Variants in PLBD1 observed in about 807,000 individuals in gnomAD.
PLBD1 encodes phospholipase B domain containing 1.
In PLBD1, 60 loss-of-function variants were observed where a neutral mutation model predicts 63.0. The ratio of observed to expected loss-of-function variants is 0.95; its 90% CI spans 0.77 to 1.18. The LOEUF (loss-of-function observed/expected upper bound fraction) is 1.18. Among genes scored for constraint, PLBD1 ranks in the 50% most tolerant of loss-of-function variants. PLBD1 has a pLI of 0.00. For synonymous variants in PLBD1, 262 were observed against 248.0 expected, an observed-to-expected ratio of 1.06 and a Z score of -0.53; for missense variants, 598 against 677.9, an observed-to-expected ratio of 0.88 and a Z score of 1.31.
chr12:14,516,260 C>T (rs10128847), intron 6 of PLBD1, among the ~76,000 whole-genome samples: 3,150 of 152,178 alleles, frequency 0.021, 94 homozygotes, highest in African/African-American at 0.071. Flanking sequence ...ACCCAGGAGG[C>T]GGAGGCTGCA....
chr12:14,556,494 C>G (rs1012468041), intron 1 of PLBD1, among the ~76,000 whole-genome samples: 3 of 151,718 alleles, frequency 2.0e-5, no homozygotes, highest in Non-Finnish European at 2.9e-5. Context: ...CTCAGCCTCC[C>G]GAGTAGCTGA....
intron 4 of PLBD1, among the ~76,000 whole-genome samples, chr12:14,540,019 TA>T (rs1565577528): frequency 0.026 from 2,283 of 87,284 alleles, 128 homozygotes; most frequent in African/African-American, 0.067. Context: ...TGCACATATA[TA>T]TATATATATA....
At chr12:14,506,578 T>C (rs1158602933) in intron 9 of PLBD1, among the ~76,000 whole-genome samples, 2 of 152,152 alleles carry the variant, frequency 1.3e-5, no homozygotes, top group Admixed American at 1.3e-4. Context: ...ATGCTGTTCA[T>C]ACAAAAAAAA....
At chr12:14,507,224 G>A (rs1324598079) in intron 8 of PLBD1, 106 bp from the exon 9 acceptor site, 4 of 850,436 alleles carry the variant, frequency 4.7e-6, no homozygotes, top group Non-Finnish European at 3.7e-6. Context: ...TTTGAAAATG[G>A]GCACAGGCAT....
At chr12:14,548,479 A>G (rs1194391888) in intron 2 of PLBD1, among the ~76,000 whole-genome samples, 2 of 142,430 alleles carry the variant, frequency 1.4e-5, no homozygotes, top group Non-Finnish European at 3.0e-5. Flanking sequence ...AAAAAAAAAA[A>G]AAAGAAGAAG....
chr12:14,529,402 T>C (rs1253914519), intron 6 of PLBD1, among the ~76,000 whole-genome samples: 1 of 151,996 alleles, frequency 6.6e-6, no homozygotes, highest in Admixed American at 6.6e-5. Context: ...GTTAGTAAAC[T>C]GAACTAAAAA....
At chr12:14,511,857 T>C in intron 6 of PLBD1, 146 bp from the exon 7 acceptor site, 1 of 794,260 alleles carries the variant, frequency 1.3e-6, no homozygotes, top group East Asian at 2.7e-5. Context: ...CTCCCCCAGC[T>C]TTGGCTCACC....
chr12:14,515,889 TA>T (rs1351312587), intron 6 of PLBD1, among the ~76,000 whole-genome samples: 1 of 113,892 alleles, frequency 8.8e-6, no homozygotes, highest in African/African-American at 3.1e-5. Flanking sequence ...CCATCTCTAC[TA>T]AAAATACAAA....
chr12:14,511,733 A>C, intron 6 of PLBD1, 22 bp from the exon 7 acceptor site: 3 of 1,594,020 alleles, frequency 1.9e-6, no homozygotes, highest in Middle Eastern at 3.3e-4. Context: ...ACAAATATAC[A>C]CATCAGCATA....
At chr12:14,564,798 C>T (rs1945767847) in intron 1 of PLBD1, among the ~76,000 whole-genome samples, 1 of 152,144 alleles carries the variant, frequency 6.6e-6, no homozygotes, top group South Asian at 2.1e-4. Context: ...TTATGAGTCT[C>T]TCAGCAGCCA....
intron 1 of PLBD1, among the ~76,000 whole-genome samples, chr12:14,554,619 C>G (rs1412328248): frequency 6.6e-6 from 1 of 152,042 alleles, no homozygotes; most frequent in African/African-American, 2.4e-5. Context: ...CTTCCTCCTC[C>G]TGTCCCTTGC....
At chr12:14,504,610 A>T (rs1234084817) in intron 10 of PLBD1, among the ~76,000 whole-genome samples, 1 of 152,228 alleles carries the variant, frequency 6.6e-6, no homozygotes, top group Non-Finnish European at 1.5e-5. Flanking sequence ...AGTTGGCATG[A>T]GGATTAATGC....
chr12:14,547,195 TGTG>T (rs1945622956), intron 2 of PLBD1, among the ~76,000 whole-genome samples: 1 of 151,040 alleles, frequency 6.6e-6, no homozygotes, highest in Non-Finnish European at 1.5e-5. Flanking sequence ...TGTGTGTGTG[TGTG>T]TGTGTGTGTG....
At chr12:14,557,515 A>T (rs756103375) in intron 1 of PLBD1, among the ~76,000 whole-genome samples, 1 of 152,210 alleles carries the variant, frequency 6.6e-6, no homozygotes, top group African/African-American at 2.4e-5. Context: ...TTGCAGGAAC[A>T]TGGATGGAGC....
At chr12:14,529,974 C>A (rs552050120) in intron 6 of PLBD1, among the ~76,000 whole-genome samples, 4 of 152,258 alleles carry the variant, frequency 2.6e-5, no homozygotes, top group Admixed American at 2.6e-4. Flanking sequence ...TTCTTTGGCA[C>A]CCTTCTCTTT....
At chr12:14,518,914 A>G (rs1195009481) in intron 6 of PLBD1, among the ~76,000 whole-genome samples, 2 of 152,108 alleles carry the variant, frequency 1.3e-5, no homozygotes, top group Non-Finnish European at 2.9e-5. Flanking sequence ...TATGAAAAGC[A>G]CTAGGGTATT....
At chr12:14,559,555 G>A (rs1945730716) in intron 1 of PLBD1, among the ~76,000 whole-genome samples, 4 of 152,008 alleles carry the variant, frequency 2.6e-5, no homozygotes, top group Non-Finnish European at 4.4e-5. Context: ...TAAATGGCTC[G>A]GAATCTTGGA....
chr12:14,544,361 A>G (rs994986447), intron 2 of PLBD1, among the ~76,000 whole-genome samples: 7 of 152,108 alleles, frequency 4.6e-5, no homozygotes, highest in South Asian at 2.1e-4. Flanking sequence ...TTTAGTAGAG[A>G]TGGGGTTTTG....
At chr12:14,516,473 A>G (rs1441872948) in intron 6 of PLBD1, among the ~76,000 whole-genome samples, 1 of 152,206 alleles carries the variant, frequency 6.6e-6, no homozygotes, top group African/African-American at 2.4e-5. Flanking sequence ...TGCTTGTTAC[A>G]AATGTCCCAG....
Sources: allele counts gnomAD v4.1 joint callset (sites outside exome capture counted in the v4.1 genomes callset), GRCh38; gene constraint gnomAD v4.1.1; transcripts MANE v1.5; gene names NCBI Gene and HGNC (gene_info 2026-07-23, HGNC 2026-07-21).